POLR3D: variants seen among roughly 807,000 people sequenced by gnomAD.
The protein encoded by POLR3D is DNA-directed RNA polymerase III subunit RPC4.
A neutral mutation model predicts 44.5 loss-of-function variants in POLR3D; 42 were observed. The ratio of observed to expected loss-of-function variants is 0.94; its 90% confidence interval spans 0.74 to 1.22. POLR3D has a LOEUF of 1.22. POLR3D is among the 50% of genes most tolerant of loss of function. POLR3D has a pLI of 0.00. For missense variants in POLR3D, 507 were observed against 505.2 expected, an observed-to-expected ratio of 1.00 and a Z score of -0.03; for synonymous variants, 217 against 198.1, an observed-to-expected ratio of 1.10 and a Z score of -0.80.
rs1830076121 is a variant in POLR3D, at chr8:22,249,282, G to C, written c.894G>C (p.Val298=). The C allele has an allele frequency of 5.6e-6, 9 of 1,614,014 alleles. No homozygotes were observed. In the East Asian group the frequency reaches 2.0e-4, roughly 36 times the overall value. The change falls in exon 7 of 9, where the codon GTG becomes GTC. Residue 298 remains valine, a synonymous_variant. Coordinates refer to ENST00000306433, the MANE Select transcript of POLR3D (RefSeq NM_001722.3). ...KTEVQGEDGQ[V]VLIKQEKDRE... The stretch of plus-strand genomic sequence containing the variant: ...AGGTGCAGGGCGAGGACGGACAGGT[G>C]GTGCTCATCAAGCAGGAGAAAGACC...
chr8:22,245,274 C>T, intron 1 of POLR3D, 91 bp downstream of exon 1: 1 of 555,028 alleles, frequency 1.8e-6, no homozygotes, highest in East Asian at 3.0e-5. Context: ...GTGTCGCGAG[C>T]CAAAGGCTCT....
At chr8:22,250,017 A>T (rs918884698) in intron 7 of POLR3D, 58 bp from the exon 8 acceptor site, 29 of 1,596,858 alleles carry the variant, frequency 1.8e-5, no homozygotes, top group Non-Finnish European at 2.3e-5. Context: ...AAGGGGGTTC[A>T]TGAAAGATGG....
Position 22,250,644 on chromosome 8 carries a change from A to G in POLR3D, c.*126A>G. ...CCACTCACTCCAGCCTTTGGCAACC[A>G]TTGTTCCAGGTCCCCCAGGGCTTCC... On this transcript the variant is annotated 3_prime_UTR_variant, in exon 9 of 9. Coordinates refer to ENST00000306433, the MANE Select transcript of POLR3D (RefSeq NM_001722.3). 2 of 1,204,680 alleles carry G rather than the reference A, an allele frequency of 1.7e-6. No individual in the cohort carries two copies. Among genetic ancestry groups the G allele is most frequent in the Non-Finnish European group, 2.4e-6 (2 of 839,568 alleles). 74.6% of individuals were successfully genotyped at this position (1,204,680 alleles called of 1,614,324 possible).
chr8:22,249,574 A>G (rs1830081789), intron 7 of POLR3D, among the ~76,000 whole-genome samples: 2 of 152,204 alleles, frequency 1.3e-5, no homozygotes, highest in Non-Finnish European at 2.9e-5. Flanking sequence ...TCATGCCTCT[A>G]ATCCCAGCGC....
intron 3 of POLR3D, 26 bp from the exon 4 acceptor site, chr8:22,247,831 T>C (rs1830058047): frequency 1.2e-6 from 2 of 1,604,586 alleles, no homozygotes; most frequent in East Asian, 4.5e-5. Flanking sequence ...AGTGAGTGGT[T>C]TCCCTTAATC....
Position 22,253,683 on chromosome 8 carries a change from T to TTGTTC in POLR3D, c.*3169_*3170insCTGTT, listed in dbSNP as rs1377379153. ...ATGAGCATGTTAGTTTTGTTTTGTT[T>TTGTTC]TGTTTTGTTCTGTTTTGTTTTTTGA... On this transcript the variant is annotated 3_prime_UTR_variant, in exon 9 of 9. Coordinates refer to ENST00000306433, the MANE Select transcript of POLR3D (RefSeq NM_001722.3). 1 of 152,188 alleles carries TTGTTC rather than the reference T, an allele frequency of 6.6e-6. No homozygotes were observed. Among genetic ancestry groups the TTGTTC allele is most frequent in the Non-Finnish European group, 1.5e-5 (1 of 68,034 alleles). The allele number at this position is 152,188 out of a possible 1,614,324, so 9.4% of individuals were successfully genotyped here.
chr8:22,246,287 C>A (rs1830041318), intron 2 of POLR3D, among the ~76,000 whole-genome samples: 1 of 151,474 alleles, frequency 6.6e-6, no homozygotes, highest in African/African-American at 2.4e-5. Flanking sequence ...GCCACCATGC[C>A]CAGCTGATTT....
At position 22,254,015 on chromosome 8, in the gene POLR3D, T is replaced by C. The variant is rs1830126372; in HGVS notation, c.*3497T>C. On this transcript the variant is annotated 3_prime_UTR_variant, in exon 9 of 9. Coordinates refer to ENST00000306433, the MANE Select transcript of POLR3D (RefSeq NM_001722.3). ...GTGTATATTGCGTACTGGTGGGGAT[T>C]GGGCTTCTGTCATACCTATCACCCA... The C allele has an allele frequency of 6.6e-6, 1 of 152,224 alleles. No homozygotes were observed. The highest frequency in any genetic ancestry group is 2.4e-5 in the African/African-American group (1 of 41,454). The allele number at this position is 152,224 out of a possible 1,614,324, so 9.4% of individuals were successfully genotyped here. A position where few individuals can be genotyped will look rare whatever the true frequency, so the allele number is the denominator to read the frequency against.
intron 7 of POLR3D, among the ~76,000 whole-genome samples, chr8:22,249,535 T>TGA (rs1324748366): frequency 3.3e-5 from 5 of 152,150 alleles, no homozygotes; most frequent in Non-Finnish European, 7.3e-5. Flanking sequence ...CAAACACAAA[T>TGA]GAGAGAACAT....
rs779451688 is a variant in POLR3D at position 22,249,327 on chromosome 8, C to A, written c.921+18C>A. On this transcript the variant is annotated intron_variant, in intron 7 of 8. Transcript: ENST00000306433. ...AAGACCGAGTACGCTCAGACAGAGGCCTGCGGGAATCAAGTCGGGGACTGG... is the reference window on the plus strand; with the variant it reads ...AAGACCGAGTACGCTCAGACAGAGGACTGCGGGAATCAAGTCGGGGACTGG... 6 of 1,608,094 alleles carry A rather than the reference C, an allele frequency of 3.7e-6. No individual in the cohort carries two copies. In the South Asian group the frequency reaches 6.6e-5, roughly 18 times the overall value.
chr8:22,249,308 G>T lies in POLR3D; in HGVS notation c.920G>T (p.Arg307Leu), dbSNP rs759472761. 8 of 1,613,396 alleles carry T rather than the reference G, an allele frequency of 5.0e-6. No homozygotes were observed. The highest frequency in any genetic ancestry group is 2.2e-5 in the East Asian group (1 of 44,846). The change falls in exon 7 of 9, where the codon CGA becomes CTA. Residue 307 changes from arginine to leucine, a missense_variant and splice_region_variant. By Grantham distance (102) the Arg-to-Leu change is moderately radical. Transcript: ENST00000306433. ...QVVLIKQEKD[R>L]EAKLAENACT... ...GTGCTCATCAAGCAGGAGAAAGACC[G>T]AGTACGCTCAGACAGAGGCCTGCGG...
chr8:22,248,442 T>C (rs953985606), intron 5 of POLR3D, 39 bp from the exon 6 acceptor site: 2 of 1,605,184 alleles, frequency 1.2e-6, no homozygotes, highest in Admixed American at 3.4e-5. Flanking sequence ...TCCAGGTGCA[T>C]GTGCTAGCAG....
intron 2 of POLR3D, among the ~76,000 whole-genome samples, chr8:22,246,182 C>T (rs755521451): frequency 6.6e-5 from 10 of 152,206 alleles, no homozygotes; most frequent in Admixed American, 1.3e-4. Flanking sequence ...GGCTGGAGTG[C>T]AATGGCACGA....
At chr8:22,250,052 C>T in intron 7 of POLR3D, 23 bp from the exon 8 acceptor site, 1 of 1,613,450 alleles carries the variant, frequency 6.2e-7, no homozygotes, top group South Asian at 1.1e-5. Flanking sequence ...AGCCCAGTGT[C>T]CATCCTCTGG....
rs1830091548 is a variant in POLR3D, at chr8:22,250,319, G to T, written c.1075-77G>T. The T allele has an allele frequency of 3.1e-6, 5 of 1,608,464 alleles. No homozygotes were observed. The Admixed American group carries it at 5.0e-5, about 16-fold the overall frequency. On this transcript the variant is annotated intron_variant, in intron 8 of 8. Transcript: ENST00000306433. ...TAAATAAGGGAGGGGGTTTCTGGGA[G>T]TATCATGTCCCCATTCACAGCTCTA...
chr8:22,249,654 A>G (rs1374538026), intron 7 of POLR3D, among the ~76,000 whole-genome samples: 4 of 152,144 alleles, frequency 2.6e-5, no homozygotes, highest in African/African-American at 4.8e-5. Flanking sequence ...ACGTGGTGAC[A>G]CCATGGCTAA....
In POLR3D at chr8:22,247,943, G is replaced by A. The variant is rs144694298; in HGVS notation, c.296G>A (p.Arg99His). The stretch of plus-strand genomic sequence containing the variant: ...GAGGGGCATGGACGAGGGCGAGGCC[G>A]TCCAGAAGTGATCCAGTCTCACTCC... ...QREGHGRGRG[R>H]PEVIQSHSIF... The change falls in exon 4 of 9, where the codon CGT becomes CAT. Residue 99 changes from arginine (R) to histidine (H), a missense_variant. Coordinates refer to ENST00000306433, the MANE Select transcript of POLR3D (RefSeq NM_001722.3). 147 of 1,614,008 alleles carry A rather than the reference G, an allele frequency of 9.1e-5. No individual in the cohort carries two copies. The highest frequency in any genetic ancestry group is 1.2e-4 in the Non-Finnish European group (140 of 1,180,022).
At chr8:22,248,071 A>C in intron 4 of POLR3D, 63 bp downstream of exon 4, 1 of 1,606,738 alleles carries the variant, frequency 6.2e-7, no homozygotes, top group Admixed American at 1.7e-5. Context: ...AGAACAGTGG[A>C]ATTTCCCCAC....
chr8:22,247,829 G>T (rs1475384890), intron 3 of POLR3D, 28 bp from the exon 4 acceptor site: 1 of 1,604,586 alleles, frequency 6.2e-7, no homozygotes. Flanking sequence ...TGAGTGAGTG[G>T]TTTCCCTTAA....
Sources: gnomAD v4.1 joint callset for allele counts (sites outside exome capture counted in the v4.1 genomes callset) on GRCh38, gnomAD v4.1.1 for gene constraint, MANE v1.5 for transcripts, NCBI Gene and HGNC (gene_info 2026-07-23, HGNC 2026-07-21) for gene names.